USP48: variants seen among roughly 807,000 people sequenced by gnomAD.
USP48 encodes the protein ubiquitin specific peptidase 48, also known as ubiquitin carboxyl-terminal hydrolase 48.
In USP48, 43 loss-of-function variants were observed where a neutral mutation model predicts 150.7. The observed-to-expected ratio is 0.29, with a 90% CI of 0.22 to 0.37. The LOEUF (loss-of-function observed/expected upper bound fraction) is 0.37, where lower values mean the gene tolerates loss of function less well. Ranked by LOEUF, USP48 falls within the 10% of genes least tolerant of loss-of-function variation. The pLI, the probability that USP48 is intolerant of heterozygous loss-of-function variation, is 1.00. For missense variants in USP48, 813 were observed against 1,249.6 expected (o/e 0.65, Z 5.27); for synonymous variants, 396 against 425.9 (o/e 0.93, Z 0.86).
chr1:21,681,214 T>C (rs2097564867), intron 25 of USP48: 1 of 167,334 alleles, frequency 6.0e-6, no homozygotes, highest in African/African-American at 2.4e-5. Context: ...ACACAGCAGC[T>C]TCTTCTGGTA....
intron 14 of USP48, among the ~76,000 whole-genome samples, chr1:21,717,330 T>G (rs2097707305): frequency 6.6e-6 from 1 of 151,878 alleles, no homozygotes; most frequent in Admixed American, 6.6e-5. Flanking sequence ...TTTGAGCCCA[T>G]GAGGTGGAGG....
Position 21,701,135 on chromosome 1 carries a change from G to A in USP48, c.2727+363C>T, listed in dbSNP as rs571881599. Among the ~76,000 whole-genome samples, 48 of 151,464 alleles carry A rather than the reference G, an allele frequency of 3.2e-4. 1 individual carries two copies. The South Asian group carries it at 5.6e-3, about 18-fold the overall frequency. Reference sequence around the variant, plus strand: ...TAATCTCAGCACTTTGGGAGGCTGCGGTGGGCGGATCACGAGGTCAGGAGT... The same window carrying A: ...TAATCTCAGCACTTTGGGAGGCTGCAGTGGGCGGATCACGAGGTCAGGAGT... On this transcript the variant is annotated intron_variant, in intron 22 of 26. Coordinates refer to ENST00000308271, the MANE Select transcript of USP48 (RefSeq NM_032236.8).
chr1:21,779,128 G>A (rs924273594), intron 1 of USP48, among the ~76,000 whole-genome samples: 1 of 151,992 alleles, frequency 6.6e-6, no homozygotes, highest in Non-Finnish European at 1.5e-5. Context: ...TGCCTGTAGT[G>A]GCAGGAGGCT....
intron 22 of USP48, among the ~76,000 whole-genome samples, chr1:21,699,085 A>T (rs1293787738): frequency 6.6e-6 from 1 of 151,714 alleles, no homozygotes; most frequent in Non-Finnish European, 1.5e-5. Flanking sequence ...GCTGGAGTGC[A>T]GTGGCACAAT....
At chr1:21,691,754 G>C (rs1386802877) in intron 23 of USP48, among the ~76,000 whole-genome samples, 2 of 152,168 alleles carry the variant, frequency 1.3e-5, no homozygotes, top group African/African-American at 4.8e-5. Flanking sequence ...TACCTCTGGA[G>C]GGCAAGAAGA....
chr1:21,724,222 C>T, intron 11 of USP48, 127 bp from the exon 12 acceptor site: 2 of 962,318 alleles, frequency 2.1e-6, no homozygotes, highest in Non-Finnish European at 3.2e-6. Context: ...GAATCATTGT[C>T]TGGGGGAAGA....
intron 23 of USP48, among the ~76,000 whole-genome samples, chr1:21,694,161 G>A (rs1386116718): frequency 2.0e-5 from 3 of 152,172 alleles, no homozygotes; most frequent in Non-Finnish European, 4.4e-5. Context: ...CATAATGCCT[G>A]CACTACAGCC....
intron 1 of USP48, among the ~76,000 whole-genome samples, chr1:21,766,071 C>CA (rs1298809502): frequency 2.0e-5 from 3 of 150,990 alleles, no homozygotes; most frequent in African/African-American, 7.3e-5. Context: ...AAAATTGTAA[C>CA]AAAAAGATTT....
At position 21,728,623 on chromosome 1, in the gene USP48, T is replaced by C; in HGVS notation, c.1397A>G (p.Lys466Arg). The C allele has an allele frequency of 6.2e-7, 1 of 1,614,208 alleles. No homozygotes were observed. Among genetic ancestry groups the C allele is most frequent in the Admixed American group, 1.7e-5 (1 of 60,024 alleles). ...CTCCTTAACCTCTTCGTGTTTTGCTTTTCCTTTATCCACACTTTGCTTACG... is the reference window on the plus strand; with the variant it reads ...CTCCTTAACCTCTTCGTGTTTTGCTCTTCCTTTATCCACACTTTGCTTACG... ...EMRKQSVDKGKAKHEEVKELY... is the reference protein window; with the variant it reads ...EMRKQSVDKGRAKHEEVKELY... Residue 466 changes from lysine to arginine, a missense_variant, in exon 11 of 27, where the codon AAA (lysine) becomes AGA (arginine). Transcript: ENST00000308271.
intron 8 of USP48, among the ~76,000 whole-genome samples, chr1:21,744,102 C>A (rs986051722): frequency 6.6e-6 from 1 of 152,168 alleles, no homozygotes; most frequent in African/African-American, 2.4e-5. Flanking sequence ...CATTACCATT[C>A]TTGCAGATAA....
chr1:21,721,936 C>A (rs1381680467), intron 12 of USP48, among the ~76,000 whole-genome samples, 172 bp from the exon 13 acceptor site: 1 of 151,942 alleles, frequency 6.6e-6, no homozygotes, highest in Non-Finnish European at 1.5e-5. Context: ...CAATTAGAAA[C>A]CAAGACGGCA....
At chr1:21,761,985 G>A (rs1204812457) in intron 1 of USP48, among the ~76,000 whole-genome samples, 2 of 139,316 alleles carry the variant, frequency 1.4e-5, no homozygotes, top group African/African-American at 5.2e-5. Flanking sequence ...AACAAAACTG[G>A]CCGGGTGCAG....
intron 9 of USP48, among the ~76,000 whole-genome samples, chr1:21,731,774 C>A (rs2097757502): frequency 6.6e-6 from 1 of 151,930 alleles, no homozygotes; most frequent in African/African-American, 2.4e-5. Context: ...GAGGCTGATG[C>A]AGCAGAATCA....
Position 21,694,596 on chromosome 1 carries a change from A to AAAC in USP48, c.2883+469_2883+470insGTT, listed in dbSNP as rs2097618448. Among the ~76,000 whole-genome samples, 6 of 122,324 alleles carry AAAC rather than the reference A, an allele frequency of 4.9e-5. No homozygotes were observed. The East Asian group carries it at 1.3e-3, about 27-fold the overall frequency. The allele number at this position is 122,324 out of a possible 152,430, so 80.2% of individuals were successfully genotyped here. ...CCAAAAAAAAAAAAAAAAAAAAAAA[A>AAAC]AAAAAAAAAAACCCCCTCTATCTAT... On this transcript the variant is annotated intron_variant, in intron 23 of 26. Coordinates refer to ENST00000308271, the MANE Select transcript of USP48 (RefSeq NM_032236.8).
intron 23 of USP48, 60 bp from the exon 24 acceptor site, chr1:21,690,159 A>C: frequency 7.1e-7 from 1 of 1,418,084 alleles, no homozygotes; most frequent in East Asian, 2.4e-5. Context: ...CTTATACCCT[A>C]TTTAAATAAA....
intron 3 of USP48, among the ~76,000 whole-genome samples, chr1:21,754,565 T>C (rs2097826585): frequency 6.6e-6 from 1 of 152,170 alleles, no homozygotes; most frequent in Non-Finnish European, 1.5e-5. Flanking sequence ...CTGCAAATAC[T>C]TCTCCTTTGC....
intron 4 of USP48, 60 bp downstream of exon 4, chr1:21,752,932 A>G (rs920815881): frequency 1.3e-6 from 2 of 1,509,460 alleles, no homozygotes; most frequent in African/African-American, 2.8e-5. Context: ...CTTTATAAAC[A>G]TGCTTAGGAT....
chr1:21,761,405 G>C (rs1242023108), intron 1 of USP48, among the ~76,000 whole-genome samples: 2 of 151,986 alleles, frequency 1.3e-5, no homozygotes, highest in African/African-American at 4.8e-5. Flanking sequence ...GAGTAGCTGG[G>C]AGGTGCATGC....
chr1:21,781,436 T>C (rs2097914266), intron 1 of USP48, among the ~76,000 whole-genome samples: 1 of 150,150 alleles, frequency 6.7e-6, no homozygotes, highest in African/African-American at 2.5e-5. Flanking sequence ...CGAAACACCG[T>C]CTCAATAAAT....
Sources: allele counts gnomAD v4.1 joint callset (sites outside exome capture counted in the v4.1 genomes callset), GRCh38; gene constraint gnomAD v4.1.1; transcripts MANE v1.5; gene names NCBI Gene and HGNC (gene_info 2026-07-23, HGNC 2026-07-21).